Variants in PTPRN observed in about 807,000 individuals in gnomAD.
PTPRN encodes protein tyrosine phosphatase receptor type N.
In PTPRN, 70 loss-of-function variants were observed where a neutral mutation model predicts 108.5. That is an observed-to-expected ratio of 0.65 (90% confidence interval 0.53 to 0.79). The LOEUF is 0.79. PTPRN is among the 30% of genes least tolerant of loss of function. PTPRN has a pLI of 0.00. For synonymous variants in PTPRN, 496 were observed against 524.6 expected (o/e 0.95, Z 0.75); for missense variants, 1,136 against 1,295.5 (o/e 0.88, Z 1.89).
Position 219,296,068 on chromosome 2 carries a change from G to A in PTPRN, c.2508+158C>T, listed in dbSNP as rs1952186688. The stretch of plus-strand genomic sequence containing the variant: ...TGAATATATGGGTATGCATATATGT[G>A]TTTATATATATTCATATATGTATGA... On this transcript the variant is annotated intron_variant, in intron 18 of 22. Transcript: ENST00000295718. The surrounding 1 kb of genome is among the most constrained non-coding windows in gnomAD (Gnocchi z 6.0). 1 of 1,025,108 alleles carries A rather than the reference G, an allele frequency of 9.8e-7. No individual in the cohort carries two copies. Among genetic ancestry groups the A allele is most frequent in the South Asian group, 1.6e-5 (1 of 64,210 alleles). The allele number at this position is 1,025,108 out of a possible 1,614,324, so 63.5% of individuals were successfully genotyped here.
At chr2:219,298,549 A>C (rs921785062) in intron 12 of PTPRN, among the ~76,000 whole-genome samples, 3 of 151,064 alleles carry the variant, frequency 2.0e-5, no homozygotes, top group Non-Finnish European at 2.9e-5. Context: ...TACTAAAAAT[A>C]CAAAAAAAAA....
chr2:219,291,228 C>T (rs1411482983), intron 20 of PTPRN, among the ~76,000 whole-genome samples: 2 of 152,062 alleles, frequency 1.3e-5, no homozygotes, highest in Non-Finnish European at 2.9e-5. Flanking sequence ...TATAGGGGGC[C>T]AATGGTCAAT....
chr2:219,297,029 C>T lies in PTPRN; in HGVS notation c.2192G>A (p.Gly731Glu), dbSNP rs724159913. 9 of 1,613,934 alleles carry T rather than the reference C, an allele frequency of 5.6e-6. 1 individual carries two copies. In the East Asian group the frequency reaches 1.8e-4, roughly 32 times the overall value. The change falls in exon 15 of 23, where the codon GGG becomes GAG. Residue 731 changes from glycine (G) to glutamate (E), a missense_variant. Transcript: ENST00000295718. The surrounding 1 kb of genome is among the most constrained non-coding windows in gnomAD (Gnocchi z 6.0). ...AEPNTCATAQ[G>E]EGNIKKNRHP... ...CCGGTTCTTTTTGATGTTGCCCTCCCCCTGCGCGGTGGCACAGGTGTTTGG... is the reference window on the plus strand; with the variant it reads ...CCGGTTCTTTTTGATGTTGCCCTCCTCCTGCGCGGTGGCACAGGTGTTTGG...
chr2:219,308,572 CT>C (rs1952543727), intron 1 of PTPRN, among the ~76,000 whole-genome samples: 1 of 151,838 alleles, frequency 6.6e-6, no homozygotes, highest in Non-Finnish European at 1.5e-5. Context: ...CCCCCACCCC[CT>C]GTCCGTGAGT....
chr2:219,294,889 A>G (rs893526186), intron 19 of PTPRN, 86 bp downstream of exon 19: 1 of 1,308,866 alleles, frequency 7.6e-7, no homozygotes, highest in Non-Finnish European at 9.9e-7. Flanking sequence ...TCCAGGCCCG[A>G]CCCGGGGCTC....
At position 219,296,552 on chromosome 2, in the gene PTPRN, G is replaced by A. The variant is rs759980638; in HGVS notation, c.2311-36C>T. 21 of 1,611,538 alleles carry A rather than the reference G, an allele frequency of 1.3e-5. No homozygotes were observed. Among genetic ancestry groups the A allele is most frequent in the Non-Finnish European group, 1.7e-6 (2 of 1,178,222 alleles). ...GGAAGATACACCATGAGCCAGTGTG[G>A]GAAATGCCACTATGGACAGGCGTGG... On this transcript the variant is annotated intron_variant, in intron 16 of 22. Coordinates refer to ENST00000295718, the MANE Select transcript of PTPRN (RefSeq NM_002846.4). This position sits in a 1 kb window ranked among gnomAD's most constrained non-coding sequence, Gnocchi z 6.0.
Position 219,300,210 on chromosome 2 carries a change from C to A in PTPRN, c.1211G>T (p.Arg404Leu). 1 of 1,603,088 alleles carries A rather than the reference C, an allele frequency of 6.2e-7. No individual in the cohort carries two copies. The highest frequency in any genetic ancestry group is 1.1e-5 in the South Asian group (1 of 89,508). The change falls in exon 9 of 23, where the codon CGC becomes CTC. Residue 404 changes from arginine (R) to leucine (L), a missense_variant. By Grantham distance (102) the Arg-to-Leu change is moderately radical. Coordinates refer to ENST00000295718, the MANE Select transcript of PTPRN (RefSeq NM_002846.4). ...GGGGTGTCCAGGCATGGGGGATGTG[C>A]GGGCTGGAAGCTCTGCTGTGTCTCT... The part of the protein sequence containing the change: ...EGRDTAELPA[R>L]TSPMPGHPTA...
chr2:219,297,836 C>T lies in PTPRN; in HGVS notation c.1887+49G>A. On this transcript the variant is annotated intron_variant, in intron 13 of 22. Transcript: ENST00000295718. This position sits in a 1 kb window ranked among gnomAD's most constrained non-coding sequence, Gnocchi z 6.0. ...CTTAGTCCACGCAAGACCCAGACTC[C>T]CAGGCCCCTTGCATTTCCTTTGCTC... is the stretch of plus-strand genomic sequence containing the variant. The T allele has an allele frequency of 1.3e-6, 2 of 1,543,216 alleles. No individual in the cohort carries two copies. Among genetic ancestry groups the T allele is most frequent in the Non-Finnish European group, 1.8e-6 (2 of 1,141,766 alleles).
Position 219,296,988 on chromosome 2 carries a change from G to T in PTPRN, c.2233C>A (p.Pro745Thr). 1 of 1,613,686 alleles carries T rather than the reference G, an allele frequency of 6.2e-7. No homozygotes were observed. Among genetic ancestry groups the T allele is most frequent in the Non-Finnish European group, 8.5e-7 (1 of 1,179,908 alleles). ...IKKNRHPDFLPYDHARIKLKV... is the reference protein window; with the variant it reads ...IKKNRHPDFLTYDHARIKLKV... Reference sequence around the variant, plus strand: ...TGGGCCAGCAGGGTTCACTCACAGGGCAGGAAGTCAGGATGCCGGTTCTTT... The same window carrying T: ...TGGGCCAGCAGGGTTCACTCACAGGTCAGGAAGTCAGGATGCCGGTTCTTT... The change falls in exon 15 of 23, where the codon CCC (proline) becomes ACC (threonine). Residue 745 changes from proline (P) to threonine (T), a missense_variant. Transcript: ENST00000295718. This position sits in a 1 kb window ranked among gnomAD's most constrained non-coding sequence, Gnocchi z 6.0.
intron 19 of PTPRN, 114 bp from the exon 20 acceptor site, chr2:219,291,637 A>G (rs1204092606): frequency 9.2e-7 from 1 of 1,082,154 alleles, no homozygotes; most frequent in African/African-American, 1.6e-5. Context: ...TGCCCGGGGC[A>G]GAGAGGGAAG....
rs1219770962 is a variant in PTPRN at position 219,302,832 on chromosome 2, C to T, written c.383G>A (p.Gly128Asp). Residue 128 changes from glycine to aspartate, a missense_variant, in exon 5 of 23, where the codon GGC becomes GAC. Transcript: ENST00000295718. ...AGGACCAGGTCTCTTGGGTGCCAAGCCAGACCTGTAGAGGAAAGCAAAGTG... is the reference window on the plus strand; with the variant it reads ...AGGACCAGGTCTCTTGGGTGCCAAGTCAGACCTGTAGAGGAAAGCAAAGTG... The part of the protein sequence containing the change: ...PPEPRPRDRS[G>D]LAPKRPGPAG... 6.2e-7 allele frequency: 1 copy of T among 1,611,240 alleles called. No individual in the cohort carries two copies. The highest frequency in any genetic ancestry group is 2.2e-5 in the East Asian group (1 of 44,882).
At position 219,296,525 on chromosome 2, in the gene PTPRN, A is replaced by G; in HGVS notation, c.2311-9T>C. On this transcript the variant is annotated splice_polypyrimidine_tract_variant and intron_variant, in intron 16 of 22. Transcript: ENST00000295718. This position sits in a 1 kb window ranked among gnomAD's most constrained non-coding sequence, Gnocchi z 6.0. ...CGAGGGTCATGCTCAATCTGGAGGC[A>G]GGGAAGATACACCATGAGCCAGTGT... 6.2e-7 allele frequency: 1 copy of G among 1,613,896 alleles called. No homozygotes were observed.
chr2:219,302,250 G>A lies in PTPRN; in HGVS notation c.881C>T (p.Pro294Leu). ...GCTGCTCCCTTGCTCTGGCAGCCTT[G>A]GCACCCTGGCCCTGCTGGGTGCTGG... The part of the protein sequence containing the change: ...ELPAPSRARV[P>L]RLPEQGSSSR... Residue 294 changes from proline (P) to leucine (L), a missense_variant, in exon 6 of 23, where the codon CCA (proline) becomes CTA (leucine). Coordinates refer to ENST00000295718, the MANE Select transcript of PTPRN (RefSeq NM_002846.4). The A allele has an allele frequency of 6.2e-7, 1 of 1,614,202 alleles. No individual in the cohort carries two copies. The highest frequency in any genetic ancestry group is 1.1e-5 in the South Asian group (1 of 91,086).
Position 219,299,347 on chromosome 2 carries a change from T to C in PTPRN, c.1561A>G (p.Asn521Asp). 3 of 1,614,220 alleles carry C rather than the reference T, an allele frequency of 1.9e-6. No homozygotes were observed. The highest frequency in any genetic ancestry group is 2.5e-6 in the Non-Finnish European group (3 of 1,180,042). ...TCAGCCAAAGACAGGTTCTGCTCAT[T>C]GTGCCGGATGCGGAAGGTGAGGGCT... The part of the protein sequence containing the change: ...GPALTFRIRH[N>D]EQNLSLADVT... Residue 521 changes from asparagine (N) to aspartate (D), a missense_variant, in exon 11 of 23, where the codon AAT becomes GAT. Physicochemically the swap from Asn to Asp is conservative, Grantham distance 23. Coordinates refer to ENST00000295718, the MANE Select transcript of PTPRN (RefSeq NM_002846.4).
chr2:219,299,076 G>A lies in PTPRN; in HGVS notation c.1639C>T (p.Leu547Phe), dbSNP rs540470305. The A allele has an allele frequency of 3.1e-5, 50 of 1,614,244 alleles. 1 individual carries two copies. In the South Asian group the frequency reaches 5.5e-4, roughly 18 times the overall value. Reference protein sequence around the residue: ...VKSELEAQTGLQILQTGVGQR... With the variant: ...VKSELEAQTGFQILQTGVGQR... ...CCCACTCCTGTCTGCAAGATTTGGA[G>A]CCCTGTCTGTGCTTCCAGTTCAGAC... Residue 547 changes from leucine (L) to phenylalanine (F), a missense_variant, in exon 12 of 23, where the codon CTC becomes TTC. Physicochemically the swap from Leu to Phe is conservative, Grantham distance 22. Transcript: ENST00000295718.
intron 19 of PTPRN, among the ~76,000 whole-genome samples, chr2:219,294,415 T>A (rs1374709411): frequency 8.1e-6 from 1 of 123,776 alleles, no homozygotes; most frequent in Admixed American, 8.0e-5. Flanking sequence ...AGAGACAGAG[T>A]GAGAGAGAGA....
In PTPRN at chr2:219,290,737, C is replaced by A. The variant is rs137994137; in HGVS notation, c.2794+89G>T. On this transcript the variant is annotated intron_variant, in intron 21 of 22. Coordinates refer to ENST00000295718, the MANE Select transcript of PTPRN (RefSeq NM_002846.4). The surrounding 1 kb of genome is among the most constrained non-coding windows in gnomAD (Gnocchi z 4.2). ...TGGGCAGAGCCTGGAGGTTGACAAC[C>A]TGCTCCTTCTGAGCTCCCAGGACCC... 0.012 allele frequency: 18,907 copies of A among 1,523,200 alleles called. 160 individuals carry two copies. The highest frequency in any genetic ancestry group is 0.014 in the Non-Finnish European group (15,503 of 1,099,834). The allele number at this position is 1,523,200 out of a possible 1,614,324, so 94.4% of individuals were successfully genotyped here. A position where few individuals can be genotyped will look rare whatever the true frequency, so the allele number is the denominator to read the frequency against.
rs140003521 is a variant in PTPRN at position 219,299,596 on chromosome 2, C to A, written c.1523+104G>T. On this transcript the variant is annotated intron_variant, in intron 10 of 22. Coordinates refer to ENST00000295718, the MANE Select transcript of PTPRN (RefSeq NM_002846.4). ...CAGTACAGCTGGGAGCATCCCTGAG[C>A]TCAGAGCTTGTCTGCTCTTCCTCCC... The A allele has an allele frequency of 1.5e-5, 19 of 1,265,404 alleles. No individual in the cohort carries two copies. The East Asian group carries it at 4.4e-4, about 30-fold the overall frequency. 78.4% of individuals were successfully genotyped at this position (1,265,404 alleles called of 1,614,324 possible). A position where few individuals can be genotyped will look rare whatever the true frequency, so the allele number is the denominator to read the frequency against.
At chr2:219,291,713 C>T (rs912811959) in intron 19 of PTPRN, 190 bp from the exon 20 acceptor site, 5 of 619,994 alleles carry the variant, frequency 8.1e-6, no homozygotes, top group East Asian at 2.8e-5. Flanking sequence ...GCATTGGGCT[C>T]GCCTTGTCAC....
Sources: allele counts gnomAD v4.1 joint callset (sites outside exome capture counted in the v4.1 genomes callset), GRCh38; gene constraint gnomAD v4.1.1; non-coding constraint Gnocchi (gnomAD v3.1); transcripts MANE v1.5; gene names NCBI Gene and HGNC (gene_info 2026-07-23, HGNC 2026-07-21).